Variants in CCSER1 observed in about 807,000 individuals in gnomAD.
CCSER1 encodes coiled-coil serine rich protein 1.
CCSER1 carries 41 observed loss-of-function variants against 82.0 expected under a neutral mutation model. The ratio of observed to expected loss-of-function variants is 0.50; its 90% CI spans 0.39 to 0.65. The LOEUF (loss-of-function observed/expected upper bound fraction) is 0.65, where lower values mean the gene tolerates loss of function less well. CCSER1 is among the 30% of genes least tolerant of loss of function. The pLI, the probability that CCSER1 is intolerant of heterozygous loss-of-function variation, is 0.00. For synonymous variants in CCSER1, 414 were observed against 383.9 expected (o/e 1.08, Z -0.92); for missense variants, 1,119 against 1,064.2 (o/e 1.05, Z -0.72).
Position 90,204,406 on chromosome 4 carries a change from C to A in CCSER1, c.-42+76575C>A, listed in dbSNP as rs534278802. 4.6e-5 allele frequency among the ~76,000 whole-genome samples: 7 copies of A among 152,284 alleles called. No homozygotes were observed. The South Asian group carries it at 1.5e-3, about 32-fold the overall frequency. On this transcript the variant is annotated intron_variant, in intron 1 of 10. Transcript: ENST00000509176. The stretch of plus-strand genomic sequence containing the variant: ...GAAGGGGTCCAGTTTCAATTTTCTG[C>A]ATATGGCTAGCCAGTTTTCCCAACA...
In CCSER1 at chr4:90,920,721, G is replaced by A. The variant is rs1308506197; in HGVS notation, c.2095-2649G>A. ...GTATTTTACCTATAGAATGCGAATT[G>A]TCTTATTTTTCTGACTCACAGTGGA... On this transcript the variant is annotated intron_variant, in intron 8 of 10. Coordinates refer to ENST00000509176, the MANE Select transcript of CCSER1 (RefSeq NM_001145065.2). 2.0e-5 allele frequency among the ~76,000 whole-genome samples: 3 copies of A among 151,832 alleles called. No individual in the cohort carries two copies. In the East Asian group the frequency reaches 5.8e-4, roughly 29 times the overall value.
intron 10 of CCSER1, among the ~76,000 whole-genome samples, chr4:91,406,926 A>G (rs1369375733): frequency 6.6e-6 from 1 of 152,190 alleles, no homozygotes; most frequent in Non-Finnish European, 1.5e-5. Context: ...TTCTCACAAC[A>G]TGGCACATTG....
intron 9 of CCSER1, among the ~76,000 whole-genome samples, chr4:91,046,123 T>C (rs1275137807): frequency 1.3e-5 from 2 of 152,108 alleles, no homozygotes; most frequent in Non-Finnish European, 2.9e-5. Context: ...TGGATGTATA[T>C]GTGCAGGCTT....
intron 1 of CCSER1, among the ~76,000 whole-genome samples, chr4:90,228,052 G>A (rs1216209213): frequency 3.9e-5 from 6 of 152,124 alleles, no homozygotes; most frequent in South Asian, 2.1e-4. Flanking sequence ...GGGGAGGGGC[G>A]CCCGCCATTG....
intron 6 of CCSER1, among the ~76,000 whole-genome samples, chr4:90,673,750 C>G (rs1305125685): frequency 1.3e-5 from 2 of 151,936 alleles, no homozygotes; most frequent in African/African-American, 2.4e-5. Flanking sequence ...GCAAAAACAG[C>G]AACTTTGCTC....
chr4:90,411,240 T>C (rs1578338873), intron 4 of CCSER1, among the ~76,000 whole-genome samples: 1 of 151,944 alleles, frequency 6.6e-6, no homozygotes, highest in South Asian at 2.1e-4. Flanking sequence ...TTCCAATCAA[T>C]AGAAAAAGAG....
chr4:91,425,090 G>A (rs1041813861), intron 10 of CCSER1, among the ~76,000 whole-genome samples: 2 of 151,870 alleles, frequency 1.3e-5, no homozygotes, highest in Admixed American at 6.6e-5. Context: ...ATATATTTAA[G>A]AAATTAATTT....
At chr4:90,292,690 A>G (rs1037028735) in intron 1 of CCSER1, among the ~76,000 whole-genome samples, 17 of 152,094 alleles carry the variant, frequency 1.1e-4, no homozygotes, top group African/African-American at 4.1e-4. Context: ...AAAAGCTGCA[A>G]TTGTTTGTGG....
chr4:91,524,028 A>G (rs1446087996), intron 10 of CCSER1, among the ~76,000 whole-genome samples: 1 of 152,208 alleles, frequency 6.6e-6, no homozygotes. Context: ...ATGTTTTACA[A>G]ACTGCCTTTT....
chr4:91,485,705 T>A (rs1758178289), intron 10 of CCSER1, among the ~76,000 whole-genome samples: 1 of 152,162 alleles, frequency 6.6e-6, no homozygotes, highest in African/African-American at 2.4e-5. Context: ...CTAATGCACT[T>A]GGACACATTT....
chr4:90,603,772 G>A (rs528103754), intron 5 of CCSER1, among the ~76,000 whole-genome samples: 9 of 152,262 alleles, frequency 5.9e-5, no homozygotes, highest in Non-Finnish European at 1.0e-4. Context: ...TCCAAAAGCA[G>A]TTGCTTTCCA....
intron 6 of CCSER1, among the ~76,000 whole-genome samples, chr4:90,655,833 T>A (rs1361890299): frequency 6.6e-6 from 1 of 151,958 alleles, no homozygotes; most frequent in Non-Finnish European, 1.5e-5. Context: ...AATCTTATAT[T>A]ATCTGACAAA....
At chr4:90,761,506 G>T (rs974853776) in intron 7 of CCSER1, among the ~76,000 whole-genome samples, 1 of 152,084 alleles carries the variant, frequency 6.6e-6, no homozygotes, top group East Asian at 1.9e-4. Flanking sequence ...CTAGTCATTT[G>T]GCCTCCGAGT....
At chr4:90,840,597 A>G (rs1247605594) in intron 8 of CCSER1, among the ~76,000 whole-genome samples, 1 of 152,260 alleles carries the variant, frequency 6.6e-6, no homozygotes, top group African/African-American at 2.4e-5. Context: ...TTAAAAAATA[A>G]TTGAAAATGT....
chr4:90,944,629 A>T (rs1426603508), intron 9 of CCSER1, among the ~76,000 whole-genome samples: 1 of 152,164 alleles, frequency 6.6e-6, no homozygotes, highest in Non-Finnish European at 1.5e-5. Flanking sequence ...ATATCCCAAC[A>T]TTGTGGCATT....
At chr4:90,850,921 A>G (rs540629129) in intron 8 of CCSER1, among the ~76,000 whole-genome samples, 16 of 152,270 alleles carry the variant, frequency 1.1e-4, no homozygotes, top group South Asian at 4.1e-4. Flanking sequence ...CTCACCTTGA[A>G]TTGTCATATT....
chr4:90,786,378 T>C (rs1241693674), intron 7 of CCSER1, among the ~76,000 whole-genome samples: 1 of 152,194 alleles, frequency 6.6e-6, no homozygotes, highest in Non-Finnish European at 1.5e-5. Flanking sequence ...ACTCAGAAAC[T>C]ATAACATGGT....
chr4:90,232,270 C>G (rs1744748112), intron 1 of CCSER1, among the ~76,000 whole-genome samples: 1 of 151,270 alleles, frequency 6.6e-6, no homozygotes, highest in Non-Finnish European at 1.5e-5. Context: ...GGTACCAAAA[C>G]AGAGATGTAG....
intron 10 of CCSER1, among the ~76,000 whole-genome samples, chr4:91,540,779 C>A (rs1008207829): frequency 6.6e-6 from 1 of 152,096 alleles, no homozygotes; most frequent in East Asian, 1.9e-4. Context: ...TCCAGTTATT[C>A]CAGCACCATT....
Sources: gnomAD v4.1 joint callset for allele counts (sites outside exome capture counted in the v4.1 genomes callset) on GRCh38, gnomAD v4.1.1 for gene constraint, MANE v1.5 for transcripts, NCBI Gene and HGNC (gene_info 2026-07-23, HGNC 2026-07-21) for gene names.